Variants in CRMP1 observed in about 807,000 individuals in gnomAD.
The protein encoded by CRMP1 is collapsin response mediator protein 1.
A neutral mutation model predicts 68.3 loss-of-function variants in CRMP1; 19 were observed. The observed-to-expected ratio is 0.28, with a 90% CI of 0.19 to 0.41. The LOEUF is 0.41. Ranked by LOEUF, CRMP1 falls within the 10% of genes least tolerant of loss-of-function variation. The pLI is 1.00. For missense variants in CRMP1, 791 were observed against 967.4 expected (o/e 0.82, Z 2.42); for synonymous variants, 439 against 399.6 (o/e 1.10, Z -1.18).
intron 13 of CRMP1, among the ~76,000 whole-genome samples, chr4:5,822,942 T>G (rs1213653854): frequency 1.3e-5 from 2 of 152,212 alleles, no homozygotes; most frequent in Admixed American, 6.5e-5. Context: ...AGCCTTTGTT[T>G]CCTTGCAGTC....
intron 9 of CRMP1, among the ~76,000 whole-genome samples, chr4:5,837,460 TAAA>T (rs11455180): frequency 3.2e-5 from 4 of 125,032 alleles, no homozygotes; most frequent in African/African-American, 9.2e-5. Flanking sequence ...TTGTCTCTAC[TAAA>T]AAAAAAAAAA....
At position 5,888,638 on chromosome 4, in the gene CRMP1, C is replaced by G. The variant is rs1248897798; in HGVS notation, c.381+3951G>C. 1.0e-6 allele frequency: 1 copy of G among 964,434 alleles called. No individual in the cohort carries two copies. The highest frequency in any genetic ancestry group is 1.2e-6 in the Non-Finnish European group (1 of 812,348). The allele number at this position is 964,434 out of a possible 1,614,324, so 59.7% of individuals were successfully genotyped here. On this transcript the variant is annotated intron_variant, in intron 1 of 13. Transcript: ENST00000324989. The surrounding 1 kb of genome is among the most constrained non-coding windows in gnomAD (Gnocchi z 6.4). ...ATCTCCCACCCCGCCCCCCGCCCCC[C>G]ACCCGCCCAGCCCCGCCGACCCCCG...
At chr4:5,831,102 C>T (rs1720351432) in intron 11 of CRMP1, among the ~76,000 whole-genome samples, 1 of 152,104 alleles carries the variant, frequency 6.6e-6, no homozygotes, top group Non-Finnish European at 1.5e-5. Context: ...GCATGCACCA[C>T]CATGCCTAGT....
rs959055108 is a variant in CRMP1 at position 5,860,218 on chromosome 4, T to G, written c.655+808A>C. ...TGGCCAATGGAATGTGGGTGGAAGT[T>G]GCAGCATGGAAGTGAGGAGATGAGG... is the stretch of plus-strand genomic sequence containing the variant. On this transcript the variant is annotated intron_variant, in intron 3 of 13. Transcript: ENST00000324989. The surrounding 1 kb of genome is among the most constrained non-coding windows in gnomAD (Gnocchi z 4.2). Among the ~76,000 whole-genome samples, 1 of 152,124 alleles carries G rather than the reference T, an allele frequency of 6.6e-6. No individual in the cohort carries two copies. The highest frequency in any genetic ancestry group is 1.5e-5 in the Non-Finnish European group (1 of 68,038).
chr4:5,845,076 T>C (rs1013158622), intron 6 of CRMP1, among the ~76,000 whole-genome samples: 4 of 152,180 alleles, frequency 2.6e-5, no homozygotes, highest in African/African-American at 7.2e-5. Context: ...ACGCCTCGGA[T>C]TGAGCAAATG....
At position 5,834,006 on chromosome 4, in the gene CRMP1, A is replaced by G. The variant is rs1720556885; in HGVS notation, c.1623+1909T>C. Among the ~76,000 whole-genome samples the G allele has an allele frequency of 6.6e-6, 1 of 152,222 alleles. No homozygotes were observed. The highest frequency in any genetic ancestry group is 2.4e-5 in the African/African-American group (1 of 41,468). On this transcript the variant is annotated intron_variant, in intron 11 of 13. Transcript: ENST00000324989. This position sits in a 1 kb window ranked among gnomAD's most constrained non-coding sequence, Gnocchi z 4.3. The stretch of plus-strand genomic sequence containing the variant: ...GCTTGCAGTGAGCCGAGATTGCGCC[A>G]CTGCACTCCAGCCTGGGCAACAGAG...
chr4:5,851,360 C>G lies in CRMP1; in HGVS notation c.882+48G>C, dbSNP rs774077306. 5 of 1,572,422 alleles carry G rather than the reference C, an allele frequency of 3.2e-6. No homozygotes were observed. The Admixed American group carries it at 6.7e-5, about 21-fold the overall frequency. The stretch of plus-strand genomic sequence containing the variant: ...TGCTGCCTGGACTGGCAAAGCTGGC[C>G]CAGTCCTGCCCAGACAAGAGAGGAG... On this transcript the variant is annotated intron_variant, in intron 5 of 13. Transcript: ENST00000324989.
intron 12 of CRMP1, chr4:5,826,319 G>A (rs1719613029): frequency 6.5e-6 from 1 of 152,936 alleles, no homozygotes; most frequent in Admixed American, 6.5e-5. Context: ...AGATTCGGGG[G>A]GCAGATAGTT....
Position 5,892,550 on chromosome 4 carries a change from C to A in CRMP1, c.381+39G>T. On this transcript the variant is annotated intron_variant, in intron 1 of 13. Transcript: ENST00000324989. This position sits in a 1 kb window ranked among gnomAD's most constrained non-coding sequence, Gnocchi z 8.6. Reference sequence around the variant, plus strand: ...CCCATGCCCTGGGTCCTCCCGGGGCCCGCCCCCCTCGTCTGGCCCGCGCGC... The same window carrying A: ...CCCATGCCCTGGGTCCTCCCGGGGCACGCCCCCCTCGTCTGGCCCGCGCGC... The A allele has an allele frequency of 8.6e-7, 1 of 1,168,288 alleles. No individual in the cohort carries two copies. The highest frequency in any genetic ancestry group is 1.1e-6 in the Non-Finnish European group (1 of 946,880). The allele number at this position is 1,168,288 out of a possible 1,614,324, so 72.4% of individuals were successfully genotyped here. A position where few individuals can be genotyped will look rare whatever the true frequency, so the allele number is the denominator to read the frequency against.
Position 5,836,820 on chromosome 4 carries a change from G to A in CRMP1, c.1397C>T (p.Pro466Leu). 1 of 1,614,048 alleles carries A rather than the reference G, an allele frequency of 6.2e-7. No individual in the cohort carries two copies. The highest frequency in any genetic ancestry group is 8.5e-7 in the Non-Finnish European group (1 of 1,179,914). Residue 466 changes from proline (P) to leucine (L), a missense_variant, in exon 10 of 14, where the codon CCC becomes CTC. By Grantham distance (98) the Pro-to-Leu change is moderately conservative. Transcript: ENST00000324989. ...CTCCTCTATCCCGTTGACACCCTCG[G>A]GGATCAGGGTAAAGTTGTCCTTGCC... ...AVGKDNFTLI[P>L]EGVNGIEERM...
chr4:5,864,433 C>G (rs926967127), intron 2 of CRMP1, among the ~76,000 whole-genome samples: 2 of 152,234 alleles, frequency 1.3e-5, no homozygotes, highest in East Asian at 3.8e-4. Flanking sequence ...TTCCCCACCC[C>G]CAATCTGCCT....
intron 2 of CRMP1, among the ~76,000 whole-genome samples, chr4:5,862,512 C>G (rs1265361177): frequency 6.6e-6 from 1 of 152,224 alleles, no homozygotes; most frequent in Non-Finnish European, 1.5e-5. Context: ...ACACTCGACC[C>G]TTAACTTAAA....
At chr4:5,827,782 C>A (rs1719917307) in intron 12 of CRMP1, among the ~76,000 whole-genome samples, 1 of 151,968 alleles carries the variant, frequency 6.6e-6, no homozygotes, top group South Asian at 2.1e-4. Context: ...CAAACATCAG[C>A]TGTCTCATGG....
At chr4:5,847,474 C>T (rs1712308264) in intron 6 of CRMP1, among the ~76,000 whole-genome samples, 1 of 152,134 alleles carries the variant, frequency 6.6e-6, no homozygotes, top group South Asian at 2.1e-4. Context: ...ACATTCCTGC[C>T]CTTGTATAAT....
chr4:5,892,572 G>T lies in CRMP1; in HGVS notation c.381+17C>A. The T allele has an allele frequency of 8.5e-7, 1 of 1,174,662 alleles. No individual in the cohort carries two copies. Among genetic ancestry groups the T allele is most frequent in the South Asian group, 4.2e-5 (1 of 23,726 alleles). 72.8% of individuals were successfully genotyped at this position (1,174,662 alleles called of 1,614,324 possible). ...GGCCCGCCCCCCTCGTCTGGCCCGC[G>T]CGCGCCCCGAGGGTACCTGGCCATT... is the stretch of plus-strand genomic sequence containing the variant. On this transcript the variant is annotated intron_variant, in intron 1 of 13. Transcript: ENST00000324989. This position sits in a 1 kb window ranked among gnomAD's most constrained non-coding sequence, Gnocchi z 8.6.
Position 5,888,385 on chromosome 4 carries a change from CG to C in CRMP1, c.381+4203del, listed in dbSNP as rs1715756819. On this transcript the variant is annotated intron_variant, in intron 1 of 13. Transcript: ENST00000324989. This position sits in a 1 kb window ranked among gnomAD's most constrained non-coding sequence, Gnocchi z 6.4. ...CAAAGGCCCGGGAGGGATAGAGACACGGACGGAGGCTCGGCGCCCGTGGATG... is the reference window on the plus strand; with the variant it reads ...CAAAGGCCCGGGAGGGATAGAGACACGACGGAGGCTCGGCGCCCGTGGATG... The C allele has an allele frequency of 7.4e-6, 9 of 1,223,626 alleles. No individual in the cohort carries two copies. The highest frequency in any genetic ancestry group is 9.2e-6 in the Non-Finnish European group (9 of 981,518). 75.8% of individuals were successfully genotyped at this position (1,223,626 alleles called of 1,614,324 possible).
rs569642388 is a variant in CRMP1, at chr4:5,865,511, C to T, written c.470+1157G>A. Among the ~76,000 whole-genome samples the T allele has an allele frequency of 1.4e-4, 21 of 151,572 alleles. No individual in the cohort carries two copies. In the South Asian group the frequency reaches 4.4e-3, roughly 32 times the overall value. ...TGATGCATGCCTGTAGTCCTAGCTA[C>T]TCGGGAGGCTGAGGCAGGGGAGTCG... On this transcript the variant is annotated intron_variant, in intron 2 of 13. Transcript: ENST00000324989. This position sits in a 1 kb window ranked among gnomAD's most constrained non-coding sequence, Gnocchi z 4.1.
intron 11 of CRMP1, among the ~76,000 whole-genome samples, chr4:5,831,126 T>G (rs1446330076): frequency 6.6e-6 from 1 of 152,066 alleles, no homozygotes; most frequent in African/African-American, 2.4e-5. Flanking sequence ...TTTTTTTATT[T>G]TTTTGTAGAG....
At position 5,889,777 on chromosome 4, in the gene CRMP1, G is replaced by A. The variant is rs1297585723; in HGVS notation, c.381+2812C>T. 2 of 1,531,336 alleles carry A rather than the reference G, an allele frequency of 1.3e-6. No individual in the cohort carries two copies. The highest frequency in any genetic ancestry group is 1.4e-5 in the African/African-American group (1 of 72,940). The allele number at this position is 1,531,336 out of a possible 1,614,324, so 94.9% of individuals were successfully genotyped here. A position where few individuals can be genotyped will look rare whatever the true frequency, so the allele number is the denominator to read the frequency against. On this transcript the variant is annotated intron_variant, in intron 1 of 13. Transcript: ENST00000324989. The surrounding 1 kb of genome is among the most constrained non-coding windows in gnomAD (Gnocchi z 4.5). The stretch of plus-strand genomic sequence containing the variant: ...CCCCCAGCACTGTGGTTGGGGGCTG[G>A]GGCCCTGACCTTCACCACCCCAGGG...
Sources: gnomAD v4.1 joint callset for allele counts (sites outside exome capture counted in the v4.1 genomes callset) on GRCh38, gnomAD v4.1.1 for gene constraint, Gnocchi (gnomAD v3.1) non-coding constraint, MANE v1.5 for transcripts, NCBI Gene and HGNC (gene_info 2026-07-23, HGNC 2026-07-21) for gene names.